The following PLCB1 variants were observed in gnomAD, a reference collection of about 807,000 sequenced individuals.
The protein encoded by PLCB1 is 1-phosphatidylinositol 4,5-bisphosphate phosphodiesterase beta-1.
Under a neutral mutation model 161.8 loss-of-function variants are expected in PLCB1, and 46 were observed. That is an observed-to-expected ratio of 0.28 (90% CI 0.22 to 0.36). PLCB1 has a LOEUF of 0.36. Ranked by LOEUF, PLCB1 falls within the 10% of genes least tolerant of loss-of-function variation. PLCB1 has a pLI of 1.00. For missense variants in PLCB1, 1,016 were observed against 1,472.5 expected (o/e 0.69, Z 5.07); for synonymous variants, 517 against 503.7 (o/e 1.03, Z -0.35).
intron 2 of PLCB1, among the ~76,000 whole-genome samples, chr20:8,202,094 T>G (rs975338314): frequency 1.3e-5 from 2 of 151,858 alleles, no homozygotes; most frequent in Non-Finnish European, 2.9e-5. Context: ...TGTTGTTGTT[T>G]TGAGACAGTG....
At chr20:8,831,912 CT>C (rs1888645579) in intron 31 of PLCB1, among the ~76,000 whole-genome samples, 2 of 58,572 alleles carry the variant, frequency 3.4e-5, no homozygotes, top group African/African-American at 1.2e-4. Flanking sequence ...CTCTTTCTTT[CT>C]CTTTCTTTCT....
intron 9 of PLCB1, among the ~76,000 whole-genome samples, chr20:8,660,852 T>C (rs932911929): frequency 1.3e-5 from 2 of 152,140 alleles, no homozygotes; most frequent in Admixed American, 1.3e-4. Context: ...AATAGCAGTA[T>C]AAAGAAGCAA....
chr20:8,247,368 A>G (rs1392075930), intron 2 of PLCB1, among the ~76,000 whole-genome samples: 3 of 151,932 alleles, frequency 2.0e-5, no homozygotes, highest in African/African-American at 4.8e-5. Context: ...TTCATTCAAC[A>G]TATCATTTCT....
intron 2 of PLCB1, among the ~76,000 whole-genome samples, chr20:8,209,201 G>GTT (rs201719377): frequency 7.0e-6 from 1 of 142,752 alleles, no homozygotes; most frequent in Non-Finnish European, 1.5e-5. Flanking sequence ...ACTGTTTTTT[G>GTT]TTTTTTTTTT....
At chr20:8,818,644 T>A (rs575072050) in intron 31 of PLCB1, among the ~76,000 whole-genome samples, 2 of 152,274 alleles carry the variant, frequency 1.3e-5, no homozygotes, top group East Asian at 3.9e-4. Context: ...ACTTAAAAAA[T>A]ATATAACATC....
chr20:8,443,529 A>G (rs1049180649), intron 3 of PLCB1, among the ~76,000 whole-genome samples: 2 of 152,094 alleles, frequency 1.3e-5, no homozygotes, highest in Non-Finnish European at 2.9e-5. Context: ...TGGTGCCCCA[A>G]CTTCACTCCA....
In PLCB1 at chr20:8,857,360, A is replaced by G. The variant is rs765518593; in HGVS notation, c.3424-24262A>G. On this transcript the variant is annotated intron_variant, in intron 31 of 31. Coordinates refer to ENST00000338037, the MANE Select transcript of PLCB1 (RefSeq NM_015192.4). ...CTAATGAAAAAAATTTAAATAAAGTATATCTAAGTATAAGGTATCTATATT... is the reference window on the plus strand; with the variant it reads ...CTAATGAAAAAAATTTAAATAAAGTGTATCTAAGTATAAGGTATCTATATT... Among the ~76,000 whole-genome samples, 7 of 152,208 alleles carry G rather than the reference A, an allele frequency of 4.6e-5. 1 individual carries two copies. The highest frequency in any genetic ancestry group is 4.1e-4 in the South Asian group (2 of 4,836).
intron 2 of PLCB1, among the ~76,000 whole-genome samples, chr20:8,203,035 A>G (rs1978336546): frequency 1.3e-5 from 2 of 152,052 alleles, no homozygotes; most frequent in Non-Finnish European, 2.9e-5. Context: ...AGTAGTGATT[A>G]CGGAGCAGGA....
chr20:8,792,829 T>C (rs907617224), intron 31 of PLCB1: 12 of 354,858 alleles, frequency 3.4e-5, no homozygotes, highest in African/African-American at 2.6e-4. Context: ...GAAATGACAA[T>C]GACAACAGGA....
chr20:8,633,703 C>G (rs913491671), intron 4 of PLCB1, among the ~76,000 whole-genome samples: 7 of 152,056 alleles, frequency 4.6e-5, no homozygotes, highest in African/African-American at 1.7e-4. Context: ...GTTTCTTACT[C>G]CATACCCTGA....
intron 4 of PLCB1, among the ~76,000 whole-genome samples, chr20:8,632,964 G>T (rs1226031566): frequency 6.6e-6 from 1 of 152,122 alleles, no homozygotes; most frequent in Non-Finnish European, 1.5e-5. Flanking sequence ...ATCCATAATG[G>T]ACCGCATGGG....
chr20:8,455,951 G>A (rs1177061519), intron 3 of PLCB1, among the ~76,000 whole-genome samples: 2 of 152,160 alleles, frequency 1.3e-5, no homozygotes, highest in Non-Finnish European at 2.9e-5. Context: ...GATGTGTACA[G>A]CAAAATCAAA....
chr20:8,240,142 AT>A lies in PLCB1; in HGVS notation c.177+89779del, dbSNP rs554860489. 5.9e-5 allele frequency among the ~76,000 whole-genome samples: 9 copies of A among 151,620 alleles called. No homozygotes were observed. The East Asian group carries it at 9.7e-4, about 16-fold the overall frequency. On this transcript the variant is annotated intron_variant, in intron 2 of 31. Transcript: ENST00000338037. ...ATTGTAATTACAACCATAATCTATG[AT>A]TTTTTTTCATGAAAAAAAACAAAAG...
chr20:8,523,496 C>CTCTCTCTCTCTCTCTATATATATATA, intron 3 of PLCB1, among the ~76,000 whole-genome samples: 11 of 51,644 alleles, frequency 2.1e-4, no homozygotes, highest in East Asian at 7.9e-4. Flanking sequence ...CTCTCTCTCT[C>CTCTCTCTCTCTCTCTATATATATATA]TATATATATA....
chr20:8,862,652 A>G (rs577782993), intron 31 of PLCB1, among the ~76,000 whole-genome samples: 2 of 152,208 alleles, frequency 1.3e-5, no homozygotes, highest in Non-Finnish European at 2.9e-5. Context: ...AATTTATGAT[A>G]GATCTCCAGC....
chr20:8,833,791 C>T (rs6118343), intron 31 of PLCB1, among the ~76,000 whole-genome samples: 31,654 of 152,164 alleles, frequency 0.21, 4,160 homozygotes, highest in Middle Eastern at 0.32. Flanking sequence ...AAAACTAATA[C>T]GCTAACAACG....
intron 2 of PLCB1, among the ~76,000 whole-genome samples, chr20:8,316,282 C>G (rs1276302392): frequency 6.6e-6 from 1 of 152,146 alleles, no homozygotes; most frequent in South Asian, 2.1e-4. Context: ...TGCTCTTAGA[C>G]ACATTTTTTT....
intron 3 of PLCB1, among the ~76,000 whole-genome samples, chr20:8,561,678 G>A (rs563707890): frequency 1.3e-5 from 2 of 152,080 alleles, no homozygotes; most frequent in East Asian, 3.9e-4. Context: ...TGCTTCAACT[G>A]CTCAATTTGC....
At chr20:8,552,083 G>C (rs1985794501) in intron 3 of PLCB1, among the ~76,000 whole-genome samples, 1 of 152,034 alleles carries the variant, frequency 6.6e-6, no homozygotes, top group Non-Finnish European at 1.5e-5. Flanking sequence ...ACTCTGCAGT[G>C]GTCATGACCA....
Sources: allele counts gnomAD v4.1 joint callset (sites outside exome capture counted in the v4.1 genomes callset), GRCh38; gene constraint gnomAD v4.1.1; transcripts MANE v1.5; gene names NCBI Gene and HGNC (gene_info 2026-07-23, HGNC 2026-07-21).